PLCH1: variants seen among roughly 807,000 people sequenced by gnomAD.
PLCH1 encodes 1-phosphatidylinositol 4,5-bisphosphate phosphodiesterase eta-1.
In PLCH1, 60 loss-of-function variants were observed where a neutral mutation model predicts 126.7. The ratio of observed to expected loss-of-function variants is 0.47; its 90% CI spans 0.38 to 0.59. PLCH1 has a LOEUF of 0.59. Among genes scored for constraint, PLCH1 ranks in the 20% least tolerant of loss-of-function variants. The pLI is 0.00. For missense variants in PLCH1, 1,723 were observed against 2,040.0 expected, an observed-to-expected ratio of 0.84 and a Z score of 2.99; for synonymous variants, 719 against 734.9, an observed-to-expected ratio of 0.98 and a Z score of 0.35.
Position 155,625,222 on chromosome 3 carries a change from C to T in PLCH1, c.80-28844G>A, listed in dbSNP as rs1358194882. Among the ~76,000 whole-genome samples the T allele has an allele frequency of 2.0e-5, 3 of 152,156 alleles. No homozygotes were observed. The East Asian group carries it at 5.8e-4, about 29-fold the overall frequency. On this transcript the variant is annotated intron_variant, in intron 2 of 22. Transcript: ENST00000460012. ...ATGCTGAAATTGGATCCCTACCTTACATTTTATACAAAAATTAACTCAAGA... is the reference window on the plus strand; with the variant it reads ...ATGCTGAAATTGGATCCCTACCTTATATTTTATACAAAAATTAACTCAAGA...
chr3:155,596,541 T>G (rs1733012536), intron 2 of PLCH1, among the ~76,000 whole-genome samples, 163 bp from the exon 3 acceptor site: 1 of 150,204 alleles, frequency 6.7e-6, no homozygotes. Flanking sequence ...AAGGAATTGA[T>G]TCAACAGGCT....
chr3:155,556,702 G>C (rs183437868), intron 8 of PLCH1, among the ~76,000 whole-genome samples: 3 of 152,182 alleles, frequency 2.0e-5, no homozygotes, highest in Non-Finnish European at 4.4e-5. Context: ...AGTCAGCTGA[G>C]AGCCTTAAGA....
intron 1 of PLCH1, among the ~76,000 whole-genome samples, 171 bp from the exon 2 acceptor site, chr3:155,704,435 T>A (rs1746505769): frequency 6.6e-6 from 1 of 152,160 alleles, no homozygotes; most frequent in Non-Finnish European, 1.5e-5. Context: ...CTCACAAGTC[T>A]TCCCAGGGTC....
chr3:155,497,409 C>T lies in PLCH1; in HGVS notation c.1805G>A (p.Arg602His), dbSNP rs367676167. ...KEGGQLYRLG[R>H]RRKTMKLCRE... ...GCAGAGCTTCATGGTTTTCCTTCGG[C>T]GACCCAATCTGTGAAGTACCCACAG... The change falls in exon 15 of 23, where the codon CGC becomes CAC. Residue 602 changes from arginine (R) to histidine (H), a missense_variant. Arg to His is a conservative substitution (Grantham distance 29). Transcript: ENST00000460012. 10 of 1,612,604 alleles carry T rather than the reference C, an allele frequency of 6.2e-6. No homozygotes were observed. Among genetic ancestry groups the T allele is most frequent in the African/African-American group, 4.0e-5 (3 of 74,876 alleles).
chr3:155,494,014 G>GAA, intron 17 of PLCH1, 127 bp downstream of exon 17: 12 of 586,006 alleles, frequency 2.0e-5, no homozygotes, highest in Middle Eastern at 4.6e-4. Flanking sequence ...CTATCTTTTT[G>GAA]AAAAAAAAAA....
chr3:155,457,093 C>T (rs540990078), intron 21 of PLCH1: 1 of 152,450 alleles, frequency 6.6e-6, no homozygotes, highest in Admixed American at 6.5e-5. Flanking sequence ...ACAACTGCTG[C>T]CTTGCGTTGC....
At position 155,560,436 on chromosome 3, in the gene PLCH1, T is replaced by G. The variant is rs140254930; in HGVS notation, c.1069+4479A>C. Among the ~76,000 whole-genome samples the G allele has an allele frequency of 5.4e-4, 83 of 152,320 alleles. No individual in the cohort carries two copies. In the East Asian group the frequency reaches 0.015, roughly 27 times the overall value. On this transcript the variant is annotated intron_variant, in intron 8 of 22. Coordinates refer to ENST00000460012, the MANE Select transcript of PLCH1 (RefSeq NM_014996.4). ...ATAGCATCTTCATTATTCAGTTGTTTAAGCTACTCAATTGTTAATCACTAT... is the reference window on the plus strand; with the variant it reads ...ATAGCATCTTCATTATTCAGTTGTTGAAGCTACTCAATTGTTAATCACTAT...
At chr3:155,707,447 G>C (rs906609782) in intron 1 of PLCH1, among the ~76,000 whole-genome samples, 2 of 152,100 alleles carry the variant, frequency 1.3e-5, no homozygotes, top group Admixed American at 1.3e-4. Context: ...CCAACACTTT[G>C]GGGGGCCAAA....
chr3:155,558,425 T>C (rs1285494093), intron 8 of PLCH1, among the ~76,000 whole-genome samples: 3 of 152,162 alleles, frequency 2.0e-5, no homozygotes, highest in Admixed American at 2.0e-4. Context: ...GGGAGATAAA[T>C]TCTAAGGCTC....
At chr3:155,638,111 A>C (rs1738950757) in intron 2 of PLCH1, among the ~76,000 whole-genome samples, 1 of 152,258 alleles carries the variant, frequency 6.6e-6, no homozygotes, top group East Asian at 1.9e-4. Context: ...TTATTTCACA[A>C]TGGTTATCAT....
intron 6 of PLCH1, among the ~76,000 whole-genome samples, chr3:155,572,697 T>C (rs1729371582): frequency 1.3e-5 from 2 of 152,096 alleles, no homozygotes; most frequent in Admixed American, 1.3e-4. Context: ...AAGAGATTTT[T>C]TTTTTCTCTG....
At chr3:155,469,985 A>T (rs990547458) in intron 21 of PLCH1, among the ~76,000 whole-genome samples, 5 of 152,220 alleles carry the variant, frequency 3.3e-5, no homozygotes, top group Non-Finnish European at 5.9e-5. Context: ...AAAAAACAGA[A>T]CAGAAAAACT....
intron 13 of PLCH1, among the ~76,000 whole-genome samples, chr3:155,502,492 C>T (rs541410544): frequency 9.3e-4 from 141 of 152,250 alleles, no homozygotes; most frequent in African/African-American, 3.3e-3. Flanking sequence ...ATTGTAATGA[C>T]AAGTTGCAAT....
At position 155,554,146 on chromosome 3, in the gene PLCH1, T is replaced by G; in HGVS notation, c.1120A>C (p.Thr374Pro). The change falls in exon 9 of 23, where the codon ACT becomes CCT. Residue 374 changes from threonine (T) to proline (P), a missense_variant. Physicochemically the swap from Thr to Pro is conservative, Grantham distance 38. Transcript: ENST00000460012. Reference sequence around the variant, plus strand: ...CTGAAGAGAATTTTTGAAGTGAGAGTGTAACCATGATGTACTACTGGCTCT... The same window carrying G: ...CTGAAGAGAATTTTTGAAGTGAGAGGGTAACCATGATGTACTACTGGCTCT... ...DGEPVVHHGYTLTSKILFRDV... is the reference protein window; with the variant it reads ...DGEPVVHHGYPLTSKILFRDV... The G allele has an allele frequency of 6.2e-7, 1 of 1,613,702 alleles. No individual in the cohort carries two copies. Among genetic ancestry groups the G allele is most frequent in the Non-Finnish European group, 8.5e-7 (1 of 1,179,718 alleles).
At chr3:155,592,048 G>A (rs1305500495) in intron 4 of PLCH1, among the ~76,000 whole-genome samples, 6 of 151,750 alleles carry the variant, frequency 4.0e-5, no homozygotes, top group Non-Finnish European at 8.8e-5. Context: ...AGAGATCAAA[G>A]TTTAATTATG....
intron 6 of PLCH1, among the ~76,000 whole-genome samples, chr3:155,575,289 G>C (rs1023958354): frequency 6.6e-6 from 1 of 152,158 alleles, no homozygotes; most frequent in Non-Finnish European, 1.5e-5. Context: ...TTTCTCATGA[G>C]AGAGAAGATT....
chr3:155,481,224 T>C lies in PLCH1; in HGVS notation c.4802A>G (p.Asn1601Ser), dbSNP rs1713986342. 1.2e-6 allele frequency: 2 copies of C among 1,614,088 alleles called. No individual in the cohort carries two copies. Among genetic ancestry groups the C allele is most frequent in the South Asian group, 1.1e-5 (1 of 91,088 alleles). ...GTTTCTAAGAACCACTCCTGCCCCA[T>C]TGCTGGGGTTTGGAACTTTCTGCTT... The part of the protein sequence containing the change: ...ANKQKVPNPS[N>S]GAGVVLRNKP... The change falls in exon 23 of 23, where the codon AAT becomes AGT. Residue 1601 changes from asparagine to serine, a missense_variant. Asn to Ser is a conservative substitution (Grantham distance 46). Around this residue, in one of 2 missense-constraint regions of PLCH1, gnomAD observed 947 missense variants for 977.1 expected, o/e 0.97. Coordinates refer to ENST00000460012, the MANE Select transcript of PLCH1 (RefSeq NM_014996.4). This position sits in a 1 kb window ranked among gnomAD's most constrained non-coding sequence, Gnocchi z 4.2.
intron 2 of PLCH1, among the ~76,000 whole-genome samples, chr3:155,687,748 T>A (rs181476382): frequency 6.6e-6 from 1 of 152,232 alleles, no homozygotes; most frequent in Admixed American, 6.5e-5. Context: ...AAAATAACCA[T>A]CCTCCTGTCA....
intron 21 of PLCH1, among the ~76,000 whole-genome samples, chr3:155,458,401 G>T (rs368235051): frequency 6.7e-5 from 2 of 29,994 alleles, no homozygotes; most frequent in African/African-American, 5.8e-4. Flanking sequence ...AAGGAAGGAA[G>T]GAAGGAAGGA....
Sources: gnomAD v4.1 joint callset for allele counts (sites outside exome capture counted in the v4.1 genomes callset) on GRCh38, gnomAD v4.1.1 for gene constraint, gnomAD v4.1.1 regional missense constraint, Gnocchi (gnomAD v3.1) non-coding constraint, MANE v1.5 for transcripts, NCBI Gene and HGNC (gene_info 2026-07-23, HGNC 2026-07-21) for gene names.